The following CPD variants were observed in gnomAD, a reference collection of about 807,000 sequenced individuals.
The protein encoded by CPD is carboxypeptidase D, also known as metallocarboxypeptidase D.
In CPD, 69 loss-of-function variants were observed where a neutral mutation model predicts 138.3. The ratio of observed to expected loss-of-function variants is 0.50; its 90% CI spans 0.41 to 0.61. CPD has a LOEUF of 0.61. CPD is among the 20% of genes least tolerant of loss of function. The probability of loss-of-function intolerance (pLI) is 0.00; values close to 1 mark genes in which losing one functional copy is unlikely to be tolerated. For synonymous variants in CPD, 651 were observed against 642.1 expected, an observed-to-expected ratio of 1.01 and a Z score of -0.21; for missense variants, 1,432 against 1,733.3, an observed-to-expected ratio of 0.83 and a Z score of 3.09.
At chr17:30,390,018 TA>T (rs1911307708) in intron 2 of CPD, among the ~76,000 whole-genome samples, 1 of 150,736 alleles carries the variant, frequency 6.6e-6, no homozygotes, top group Non-Finnish European at 1.5e-5. Context: ...TGTCCTGGAG[TA>T]ATTTTTTTTT....
At chr17:30,381,234 C>T (rs1471167059) in intron 1 of CPD, among the ~76,000 whole-genome samples, 1 of 152,066 alleles carries the variant, frequency 6.6e-6, no homozygotes, top group East Asian at 1.9e-4. Context: ...ATTGACAGAG[C>T]TGTGATGGCC....
rs1428180274 is a variant in CPD, at chr17:30,384,998, T to G, written c.756T>G (p.Leu252=). ...IEWIRRNKFV[L]SGNLHGGSVV... ...GGTTGTATTTTCAAAGGTTTGTGCT[T>G]TCTGGAAATCTGCATGGTGGCTCAG... The change falls in exon 2 of 21, where the codon CTT becomes CTG. Residue 252 remains leucine (L), a synonymous_variant. Transcript: ENST00000225719. 3.1e-6 allele frequency: 5 copies of G among 1,612,908 alleles called. No homozygotes were observed. The highest frequency in any genetic ancestry group is 4.2e-6 in the Non-Finnish European group (5 of 1,179,156).
chr17:30,414,344 G>A (rs1014542867), intron 2 of CPD, among the ~76,000 whole-genome samples: 1 of 152,196 alleles, frequency 6.6e-6, no homozygotes, highest in Non-Finnish European at 1.5e-5. Context: ...GGGAGGCCAA[G>A]GTGGGTGGAT....
At chr17:30,439,149 A>G in intron 9 of CPD, 72 bp downstream of exon 9, 2 of 783,004 alleles carry the variant, frequency 2.6e-6, no homozygotes, top group Non-Finnish European at 4.2e-6. Context: ...GCTTCTTGTT[A>G]TTATCTTTTA....
intron 2 of CPD, among the ~76,000 whole-genome samples, chr17:30,418,439 A>C (rs1033622214): frequency 6.6e-6 from 1 of 152,048 alleles, no homozygotes; most frequent in Non-Finnish European, 1.5e-5. Context: ...CAGGCTTCCA[A>C]AATATTTATT....
intron 2 of CPD, among the ~76,000 whole-genome samples, chr17:30,420,553 G>T (rs1300124580): frequency 6.6e-6 from 1 of 152,094 alleles, no homozygotes. Context: ...ACACAAAGCT[G>T]CTATTATTAT....
rs1913018909 is a variant in CPD, at chr17:30,445,986, G to A, written c.2839G>A (p.Val947Ile). ...KDLSEFLRGL[V>I]MNYPHITNLT... The stretch of plus-strand genomic sequence containing the variant: ...CTTATCAGAGTTTCTGAGAGGACTT[G>A]TAATGAACTATCCACATATTACAAA... Residue 947 changes from valine (V) to isoleucine (I), a missense_variant, in exon 12 of 21, where the codon GTA (valine) becomes ATA (isoleucine). By Grantham distance (29) the Val-to-Ile change is conservative. This residue lies in a region of CPD where 124 missense variants were observed against 117.0 expected (regional missense o/e 1.06). Coordinates refer to ENST00000225719, the MANE Select transcript of CPD (RefSeq NM_001304.5). 1 of 1,581,076 alleles carries A rather than the reference G, an allele frequency of 6.3e-7. No homozygotes were observed. The highest frequency in any genetic ancestry group is 8.6e-7 in the Non-Finnish European group (1 of 1,158,946).
chr17:30,389,711 C>G (rs951928533), intron 2 of CPD, among the ~76,000 whole-genome samples: 13 of 152,200 alleles, frequency 8.5e-5, no homozygotes, highest in African/African-American at 3.1e-4. Context: ...TTTGGTGAAG[C>G]TAGTTATCAT....
At chr17:30,444,490 A>G (rs1043865722) in intron 11 of CPD, among the ~76,000 whole-genome samples, 6 of 151,142 alleles carry the variant, frequency 4.0e-5, no homozygotes, top group African/African-American at 1.5e-4. Context: ...GCCCAAAGCA[A>G]TGCAGTCTAT....
At chr17:30,392,689 T>C (rs1240517064) in intron 2 of CPD, among the ~76,000 whole-genome samples, 5 of 152,232 alleles carry the variant, frequency 3.3e-5, no homozygotes, top group Non-Finnish European at 7.3e-5. Context: ...GTAGAATTCA[T>C]TTATTTTCAA....
At chr17:30,442,593 C>A in intron 10 of CPD, 143 bp downstream of exon 10, 1 of 734,906 alleles carries the variant, frequency 1.4e-6, no homozygotes, top group Non-Finnish European at 2.1e-6. Context: ...TTTGTATATT[C>A]CAAGGTGTTT....
At chr17:30,401,960 G>A (rs1183996361) in intron 2 of CPD, among the ~76,000 whole-genome samples, 1 of 146,036 alleles carries the variant, frequency 6.8e-6, no homozygotes, top group Non-Finnish European at 1.5e-5. Context: ...TTTTTAAATA[G>A]CATGGCGCCA....
At position 30,399,102 on chromosome 17, in the gene CPD, CA is replaced by C. The variant is rs1336192658; in HGVS notation, c.994+13868del. On this transcript the variant is annotated intron_variant, in intron 2 of 20. Coordinates refer to ENST00000225719, the MANE Select transcript of CPD (RefSeq NM_001304.5). ...GTGCTTTACTTTTATGAGATTGTATCAAGACAGAGATAAATATTTTATAATA... is the reference window on the plus strand; with the variant it reads ...GTGCTTTACTTTTATGAGATTGTATCAGACAGAGATAAATATTTTATAATA... Among the ~76,000 whole-genome samples, 3 of 151,782 alleles carry C rather than the reference CA, an allele frequency of 2.0e-5. No homozygotes were observed. In the East Asian group the frequency reaches 5.8e-4, roughly 29 times the overall value.
At chr17:30,425,999 G>A (rs959248361) in intron 6 of CPD, among the ~76,000 whole-genome samples, 1 of 152,000 alleles carries the variant, frequency 6.6e-6, no homozygotes, top group African/African-American at 2.4e-5. Context: ...AGGAGTTCGA[G>A]ACCAGCCTGG....
intron 2 of CPD, among the ~76,000 whole-genome samples, chr17:30,397,429 C>G (rs769723314): frequency 1.3e-5 from 2 of 151,908 alleles, no homozygotes; most frequent in Non-Finnish European, 2.9e-5. Flanking sequence ...AAAAAAAGTT[C>G]AAAGAGAAAA....
intron 2 of CPD, among the ~76,000 whole-genome samples, chr17:30,417,703 T>C (rs1456415257): frequency 6.6e-6 from 1 of 152,206 alleles, no homozygotes; most frequent in Admixed American, 6.5e-5. Context: ...TTTTTACTTG[T>C]ATCATTGTAA....
intron 20 of CPD, among the ~76,000 whole-genome samples, chr17:30,463,730 A>G (rs1913555230): frequency 6.6e-6 from 1 of 152,220 alleles, no homozygotes; most frequent in Non-Finnish European, 1.5e-5. Context: ...AGAAAGTAGT[A>G]TATTGGAAAC....
At chr17:30,418,197 T>C (rs79978615) in intron 2 of CPD, among the ~76,000 whole-genome samples, 1 of 152,132 alleles carries the variant, frequency 6.6e-6, no homozygotes, top group African/African-American at 2.4e-5. Flanking sequence ...TCTTTTTTTT[T>C]CCAAGATAGG....
At chr17:30,423,367 A>G (rs1912319080) in intron 5 of CPD, 139 bp from the exon 6 acceptor site, 1 of 566,838 alleles carries the variant, frequency 1.8e-6, no homozygotes, top group East Asian at 3.1e-5. Context: ...ATGTTTCTGA[A>G]GGTTTTTTCT....
Sources: allele counts gnomAD v4.1 joint callset (sites outside exome capture counted in the v4.1 genomes callset), GRCh38; gene constraint gnomAD v4.1.1; regional missense constraint gnomAD v4.1.1; transcripts MANE v1.5; gene names NCBI Gene and HGNC (gene_info 2026-07-23, HGNC 2026-07-21).